Variants in DLC1 observed in about 807,000 individuals in gnomAD.
DLC1 encodes the protein DLC1 Rho GTPase activating protein.
DLC1 carries 54 observed loss-of-function variants against 140.3 expected under a neutral mutation model. The observed-to-expected ratio is 0.38, with a 90% CI of 0.31 to 0.48. The LOEUF is 0.48. Among genes scored for constraint, DLC1 ranks in the 20% least tolerant of loss-of-function variants. The probability of loss-of-function intolerance (pLI) is 0.96; values close to 1 mark genes in which losing one functional copy is unlikely to be tolerated. For missense variants in DLC1, 2,536 were observed against 1,907.0 expected, an observed-to-expected ratio of 1.33 and a Z score of -6.14; for synonymous variants, 986 against 728.1, an observed-to-expected ratio of 1.35 and a Z score of -5.70.
intron 2 of DLC1, among the ~76,000 whole-genome samples, chr8:13,423,386 C>T (rs919068154): frequency 4.2e-4 from 64 of 152,030 alleles, no homozygotes; most frequent in African/African-American, 1.4e-3. Context: ...CAAGGTGAAC[C>T]TAAATTTGCC....
chr8:13,156,013 C>T lies in DLC1; in HGVS notation c.1349-40356G>A, dbSNP rs188248621. 6.9e-3 allele frequency among the ~76,000 whole-genome samples: 1,049 copies of T among 152,136 alleles called. 2 individuals are homozygous for T. The highest frequency in any genetic ancestry group is 0.015 in the Admixed American group (226 of 15,272). ...TTCTTTAAATTTATTCTAGATATAT[C>T]CCTCATTTGCCAACTTAAAAATTGG... is the stretch of plus-strand genomic sequence containing the variant. On this transcript the variant is annotated intron_variant, in intron 5 of 17. Transcript: ENST00000276297.
rs1002564334 is a variant in DLC1, at chr8:13,103,839, CAAA to C, written c.1503-989_1503-987del. 2.5e-4 allele frequency among the ~76,000 whole-genome samples: 15 copies of C among 60,806 alleles called. No individual in the cohort carries two copies. In the Admixed American group the frequency reaches 2.5e-3, roughly 10 times the overall value. The allele number at this position is 60,806 out of a possible 152,430, so 39.9% of individuals were successfully genotyped here. A position where few individuals can be genotyped will look rare whatever the true frequency, so the allele number is the denominator to read the frequency against. ...TGGGCAAAAGAGCCAGACTCCATCT[CAAA>C]AAAAAAAAAAAAAAAAAGAAAGAAA... On this transcript the variant is annotated intron_variant, in intron 7 of 17. Coordinates refer to ENST00000276297, the MANE Select transcript of DLC1 (RefSeq NM_182643.3).
intron 4 of DLC1, among the ~76,000 whole-genome samples, chr8:13,334,776 A>G (rs1041280249): frequency 5.9e-5 from 9 of 152,210 alleles, no homozygotes; most frequent in Non-Finnish European, 1.2e-4. Context: ...TGGTTTTGTC[A>G]TGTTAAAAAT....
intron 5 of DLC1, among the ~76,000 whole-genome samples, chr8:13,128,309 G>A (rs73663609): frequency 6.6e-6 from 1 of 152,140 alleles, no homozygotes; most frequent in Non-Finnish European, 1.5e-5. Flanking sequence ...CAGAGTTTTA[G>A]AAAATGGTAT....
chr8:13,230,597 C>CTTTTTT (rs548424340), intron 5 of DLC1, among the ~76,000 whole-genome samples: 4 of 133,726 alleles, frequency 3.0e-5, no homozygotes, highest in African/African-American at 8.3e-5. Flanking sequence ...TTTCTTTTTT[C>CTTTTTT]TTTTTTTTTT....
At chr8:13,267,705 T>C (rs892366235) in intron 5 of DLC1, among the ~76,000 whole-genome samples, 2 of 150,764 alleles carry the variant, frequency 1.3e-5, no homozygotes, top group African/African-American at 4.9e-5. Flanking sequence ...AGAAAAGTTC[T>C]TTGAAGTCAT....
At chr8:13,199,477 C>T (rs937026038) in intron 5 of DLC1, among the ~76,000 whole-genome samples, 4 of 152,024 alleles carry the variant, frequency 2.6e-5, no homozygotes, top group East Asian at 1.9e-4. Context: ...CACTGGGCCC[C>T]GCGTTCTCAT....
chr8:13,525,211 G>A (rs892248700), intron 1 of DLC1, among the ~76,000 whole-genome samples: 3 of 152,116 alleles, frequency 2.0e-5, no homozygotes, highest in African/African-American at 7.2e-5. Flanking sequence ...AATATATCAC[G>A]ATTTATTTAT....
At chr8:13,413,258 T>TTTA (rs1446932903) in intron 2 of DLC1, among the ~76,000 whole-genome samples, 2 of 129,958 alleles carry the variant, frequency 1.5e-5, no homozygotes, top group African/African-American at 5.7e-5. Context: ...TTTTTGCGAT[T>TTTA]TTTTTTTTTT....
intron 5 of DLC1, among the ~76,000 whole-genome samples, chr8:13,134,430 G>C (rs889649340): frequency 3.9e-5 from 6 of 152,112 alleles, no homozygotes; most frequent in Non-Finnish European, 8.8e-5. Context: ...TTTCTCGTGG[G>C]AAAAATGCAT....
intron 4 of DLC1, among the ~76,000 whole-genome samples, chr8:13,361,291 C>T (rs186161803): frequency 3.5e-4 from 53 of 152,184 alleles, no homozygotes; most frequent in Admixed American, 6.5e-4. Flanking sequence ...CCCTGTCGTG[C>T]AGGCTGGAGT....
chr8:13,336,897 AT>A (rs35215599), intron 4 of DLC1, among the ~76,000 whole-genome samples: 130,093 of 152,058 alleles, frequency 0.86, 56,073 homozygotes, highest in East Asian at 0.95. Context: ...CAAATTTGTC[AT>A]TTTTTTCCTA....
At chr8:13,543,128 T>C (rs958551005) in intron 1 of DLC1, among the ~76,000 whole-genome samples, 2 of 152,190 alleles carry the variant, frequency 1.3e-5, no homozygotes, top group Non-Finnish European at 2.9e-5. Context: ...TAGTAAACCT[T>C]GCATATTGTT....
At chr8:13,263,943 C>A (rs1370267890) in intron 5 of DLC1, among the ~76,000 whole-genome samples, 1 of 151,714 alleles carries the variant, frequency 6.6e-6, no homozygotes, top group East Asian at 1.9e-4. Flanking sequence ...TTCATAACAG[C>A]AAATACTTAT....
At chr8:13,461,602 AT>A (rs1441084927) in intron 2 of DLC1, among the ~76,000 whole-genome samples, 1 of 152,172 alleles carries the variant, frequency 6.6e-6, no homozygotes, top group Non-Finnish European at 1.5e-5. Flanking sequence ...TAAAATTATT[AT>A]TGGTTTATTT....
At chr8:13,475,038 C>A (rs1418625759) in intron 2 of DLC1, among the ~76,000 whole-genome samples, 2 of 151,944 alleles carry the variant, frequency 1.3e-5, no homozygotes, top group African/African-American at 4.8e-5. Context: ...GTCTTGAACT[C>A]CTGGACTCAA....
intron 5 of DLC1, among the ~76,000 whole-genome samples, chr8:13,210,418 T>C (rs982608530): frequency 6.6e-6 from 1 of 152,152 alleles, no homozygotes; most frequent in African/African-American, 2.4e-5. Context: ...TCATTGTCAA[T>C]GTCAATGTCA....
rs192344899 is a variant in DLC1, at chr8:13,214,836, C to A, written c.1348+90433G>T. Reference sequence around the variant, plus strand: ...AAATGATTGATTTGAGTGCTGGTGGCAATCAATGAGTGGCAATAGATGGGT... The same window carrying A: ...AAATGATTGATTTGAGTGCTGGTGGAAATCAATGAGTGGCAATAGATGGGT... On this transcript the variant is annotated intron_variant, in intron 5 of 17. Coordinates refer to ENST00000276297, the MANE Select transcript of DLC1 (RefSeq NM_182643.3). The A allele has an allele frequency of 2.6e-4, 195 of 761,884 alleles. No individual in the cohort carries two copies. In the African/African-American group the frequency reaches 3.0e-3, roughly 12 times the overall value. 47.2% of individuals were successfully genotyped at this position (761,884 alleles called of 1,614,324 possible). A position where few individuals can be genotyped will look rare whatever the true frequency, so the allele number is the denominator to read the frequency against.
At chr8:13,262,067 C>T (rs1328539768) in intron 5 of DLC1, among the ~76,000 whole-genome samples, 1 of 152,086 alleles carries the variant, frequency 6.6e-6, no homozygotes, top group Non-Finnish European at 1.5e-5. Context: ...TCTTCTTTGA[C>T]CCCTCTCTTG....
Sources: allele counts gnomAD v4.1 joint callset (sites outside exome capture counted in the v4.1 genomes callset), GRCh38; gene constraint gnomAD v4.1.1; transcripts MANE v1.5; gene names NCBI Gene and HGNC (gene_info 2026-07-23, HGNC 2026-07-21).